FBXW10B: variants seen among roughly 807,000 people sequenced by gnomAD.
FBXW10B encodes the protein F-box and WD repeat domain containing protein 10B.
the FBXW10B span, chr17:15,593,571 T>G: frequency 1.3e-6 from 2 of 1,583,160 alleles, no homozygotes; most frequent in Non-Finnish European, 1.7e-6. Context: ...TTGGGAGCAT[T>G]TTGTGTGTGA....
At chr17:15,605,089 C>T in the FBXW10B span, 1 of 1,482,870 alleles carries the variant, frequency 6.7e-7, no homozygotes, top group South Asian at 1.4e-5. Context: ...AAAAAATAAG[C>T]TGAAGGTATT....
the FBXW10B span, among the ~76,000 whole-genome samples, chr17:15,607,180 T>TG: frequency 6.6e-6 from 1 of 150,644 alleles, no homozygotes; most frequent in Non-Finnish European, 1.5e-5. Context: ...TAATGGTGGT[T>TG]ATTGCTAGGT....
chr17:15,619,289 T>C, the FBXW10B span: 1 of 1,613,942 alleles, frequency 6.2e-7, no homozygotes, highest in Non-Finnish European at 8.5e-7. Context: ...CTGAAGGATA[T>C]TTTGGAAATA....
the FBXW10B span, chr17:15,619,155 C>T: frequency 6.2e-7 from 1 of 1,614,000 alleles, no homozygotes; most frequent in Non-Finnish European, 8.5e-7. Flanking sequence ...TACAAGATCT[C>T]TTTCATCTTC....
chr17:15,596,679 C>G, the FBXW10B span: 2,309 of 1,610,470 alleles, frequency 1.4e-3, 30 homozygotes, highest in African/African-American at 0.024. Flanking sequence ...AGGAGGGAGA[C>G]AGAGGAAGAC....
the FBXW10B span, among the ~76,000 whole-genome samples, chr17:15,610,792 C>G: frequency 1.3e-5 from 2 of 152,152 alleles, no homozygotes; most frequent in African/African-American, 2.4e-5. Flanking sequence ...TTCTGTTGGG[C>G]CATTACTGAC....
chr17:15,595,064 G>A, the FBXW10B span: 1,839 of 492,366 alleles, frequency 3.7e-3, 40 homozygotes, highest in African/African-American at 0.036. Context: ...AATGGAGGCC[G>A]GGCGCGGTGG....
the FBXW10B span, among the ~76,000 whole-genome samples, chr17:15,568,256 T>C: frequency 6.6e-6 from 1 of 152,198 alleles, no homozygotes; most frequent in African/African-American, 2.4e-5. Context: ...TTAGTGCACA[T>C]GCCAGCCAGG....
the FBXW10B span, among the ~76,000 whole-genome samples, chr17:15,610,283 C>A: frequency 6.6e-6 from 1 of 151,938 alleles, no homozygotes; most frequent in African/African-American, 2.4e-5. Context: ...ACATCAGAAG[C>A]CGCACTCTCT....
the FBXW10B span, among the ~76,000 whole-genome samples, chr17:15,568,395 G>A: frequency 1.3e-5 from 2 of 151,918 alleles, no homozygotes; most frequent in African/African-American, 2.4e-5. Flanking sequence ...CCAGTGTGAC[G>A]TGGGAGCACA....
At chr17:15,569,020 G>A in the FBXW10B span, 646 of 1,202,958 alleles carry the variant, frequency 5.4e-4, 1 homozygote, top group Non-Finnish European at 6.3e-4. Context: ...TAGGTCTTCC[G>A]TAAGTGATCA....
the FBXW10B span, chr17:15,598,874 G>A: frequency 2.5e-6 from 2 of 807,360 alleles, no homozygotes; most frequent in Non-Finnish European, 3.7e-6. Context: ...TGATAAAATG[G>A]AAATAATAAT....
the FBXW10B span, among the ~76,000 whole-genome samples, chr17:15,585,635 T>C: frequency 6.6e-6 from 1 of 152,236 alleles, no homozygotes; most frequent in Non-Finnish European, 1.5e-5. Flanking sequence ...ATGAGAGGAA[T>C]GAGCAGGAGC....
the FBXW10B span, among the ~76,000 whole-genome samples, chr17:15,612,190 CAT>C: frequency 1.3e-5 from 2 of 152,282 alleles, no homozygotes; most frequent in Admixed American, 6.5e-5. Context: ...CCATCCAACA[CAT>C]GAGTAAAGCA....
the FBXW10B span, among the ~76,000 whole-genome samples, chr17:15,579,646 A>G: frequency 2.6e-5 from 4 of 152,202 alleles, no homozygotes; most frequent in African/African-American, 9.7e-5. Context: ...TTTTGTCTAA[A>G]CTAATTACCT....
chr17:15,596,532 G>C, the FBXW10B span: 1 of 1,602,146 alleles, frequency 6.2e-7, no homozygotes, highest in Non-Finnish European at 8.5e-7. Flanking sequence ...ACTGGGCCAT[G>C]GCAATGTGCC....
the FBXW10B span, among the ~76,000 whole-genome samples, chr17:15,600,944 G>A: frequency 3.1e-4 from 45 of 144,606 alleles, no homozygotes; most frequent in Admixed American, 7.1e-5. Context: ...CCAGCTACTC[G>A]GGAGGCTGAG....
the FBXW10B span, chr17:15,615,595 G>A: frequency 3.7e-6 from 6 of 1,609,398 alleles, no homozygotes; most frequent in Non-Finnish European, 5.1e-6. Flanking sequence ...TTACAGGCGT[G>A]AGCCACCGCA....
At chr17:15,601,947 C>T in the FBXW10B span, among the ~76,000 whole-genome samples, 1 of 151,930 alleles carries the variant, frequency 6.6e-6, no homozygotes, top group Non-Finnish European at 1.5e-5. Flanking sequence ...CTTGTCTCTA[C>T]TAAAAATACA....
Sources: allele counts gnomAD v4.1 joint callset (sites outside exome capture counted in the v4.1 genomes callset), GRCh38; gene constraint gnomAD v4.1.1; transcripts MANE v1.5; gene names NCBI Gene and HGNC (gene_info 2026-07-23, HGNC 2026-07-21).